The following SYCP1 variants were observed in gnomAD, a reference collection of about 807,000 sequenced individuals.
The protein encoded by SYCP1 is cancer/testis antigen 8.
A neutral mutation model predicts 153.1 loss-of-function variants in SYCP1; 64 were observed. That is an observed-to-expected ratio of 0.42 (90% CI 0.34 to 0.51). SYCP1 has a LOEUF of 0.51. Ranked by LOEUF, SYCP1 falls within the 20% of genes least tolerant of loss-of-function variation. The probability of loss-of-function intolerance (pLI) is 0.06; values close to 1 mark genes in which losing one functional copy is unlikely to be tolerated. For synonymous variants in SYCP1, 384 were observed against 341.8 expected (o/e 1.12, Z -1.36); for missense variants, 997 against 1,049.0 (o/e 0.95, Z 0.68).
At chr1:114,890,989 G>A (rs182909191) in intron 15 of SYCP1, among the ~76,000 whole-genome samples, 1 of 152,012 alleles carries the variant, frequency 6.6e-6, no homozygotes, top group Non-Finnish European at 1.5e-5. Context: ...TCATCAAACC[G>A]TGCTTCAGAT....
intron 16 of SYCP1, among the ~76,000 whole-genome samples, chr1:114,907,818 T>A (rs1289123723): frequency 3.9e-5 from 6 of 152,086 alleles, no homozygotes; most frequent in Non-Finnish European, 8.8e-5. Flanking sequence ...CCTGACCTCG[T>A]GATCCACCCG....
rs374438400 is a variant in SYCP1, at chr1:114,904,918, G to A, written c.1321-5479G>A. Among the ~76,000 whole-genome samples the A allele has an allele frequency of 1.7e-4, 26 of 152,238 alleles. No individual in the cohort carries two copies. In the South Asian group the frequency reaches 3.3e-3, roughly 19 times the overall value. On this transcript the variant is annotated intron_variant, in intron 16 of 31. Coordinates refer to ENST00000369522, the MANE Select transcript of SYCP1 (RefSeq NM_003176.4). Reference sequence around the variant, plus strand: ...GAATTGAAGTTGAATTGTGTGAAACGCTTTTTCTGTGTCAATTTATATGAT... The same window carrying A: ...GAATTGAAGTTGAATTGTGTGAAACACTTTTTCTGTGTCAATTTATATGAT...
chr1:114,857,157 A>AAAAAAAAAAAAAAAAAAAAAAAAAAAAG (rs1664040863), intron 3 of SYCP1, 75 bp from the exon 4 acceptor site: 1 of 867,158 alleles, frequency 1.2e-6, no homozygotes, highest in Non-Finnish European at 1.6e-6. Flanking sequence ...AAAAAAAAAA[A>AAAAAAAAAAAAAAAAAAAAAAAAAAAAG]GAGAAAAAAG....
chr1:114,875,878 A>G (rs1665495003), intron 9 of SYCP1, among the ~76,000 whole-genome samples, 191 bp from the exon 10 acceptor site: 1 of 152,250 alleles, frequency 6.6e-6, no homozygotes, highest in South Asian at 2.1e-4. Flanking sequence ...GCATTTAAGC[A>G]TCTGGGAAAC....
intron 23 of SYCP1, among the ~76,000 whole-genome samples, chr1:114,932,904 G>T (rs571514102): frequency 1.3e-5 from 2 of 152,118 alleles, no homozygotes; most frequent in African/African-American, 4.8e-5. Flanking sequence ...AGAAAAGCTC[G>T]AACTGGGTGG....
intron 30 of SYCP1, among the ~76,000 whole-genome samples, chr1:114,993,163 T>G (rs887714682): frequency 6.6e-6 from 1 of 151,612 alleles, no homozygotes; most frequent in African/African-American, 2.4e-5. Context: ...ATTGTAATGA[T>G]AGTTTAAACC....
intron 23 of SYCP1, among the ~76,000 whole-genome samples, chr1:114,943,398 C>T (rs865847745): frequency 1.3e-5 from 2 of 151,786 alleles, no homozygotes; most frequent in African/African-American, 2.4e-5. Context: ...TACAATAGAA[C>T]ACTACTCAGC....
chr1:114,972,945 G>A (rs758965342), intron 27 of SYCP1, among the ~76,000 whole-genome samples: 7 of 152,030 alleles, frequency 4.6e-5, no homozygotes, highest in East Asian at 1.9e-4. Flanking sequence ...CCAGTGTTTC[G>A]TAGTTTTCTT....
At chr1:114,932,941 C>T (rs1182788780) in intron 23 of SYCP1, among the ~76,000 whole-genome samples, 1 of 152,218 alleles carries the variant, frequency 6.6e-6, no homozygotes, top group Non-Finnish European at 1.5e-5. Context: ...AGGAGGCCTG[C>T]CTGCCTCTGT....
chr1:114,980,106 T>C (rs1012984500), intron 28 of SYCP1, among the ~76,000 whole-genome samples: 2 of 151,710 alleles, frequency 1.3e-5, no homozygotes, highest in Non-Finnish European at 2.9e-5. Flanking sequence ...GTAGGAGAAC[T>C]GAAAGAACAC....
At chr1:114,877,264 GT>G (rs1334068232) in intron 11 of SYCP1, among the ~76,000 whole-genome samples, 3 of 152,150 alleles carry the variant, frequency 2.0e-5, no homozygotes, top group Non-Finnish European at 2.9e-5. Context: ...AGACACAGAT[GT>G]TTTTTATATT....
chr1:114,970,033 T>G (rs1383835692), intron 27 of SYCP1, among the ~76,000 whole-genome samples: 1 of 152,120 alleles, frequency 6.6e-6, no homozygotes, highest in Non-Finnish European at 1.5e-5. Context: ...AATGCAGAAA[T>G]CACCCACCTT....
intron 8 of SYCP1, among the ~76,000 whole-genome samples, chr1:114,868,295 C>T (rs1442810710): frequency 6.6e-6 from 1 of 151,896 alleles, no homozygotes; most frequent in Non-Finnish European, 1.5e-5. Flanking sequence ...TGTGCCACTG[C>T]ACCCAGATAA....
At chr1:114,897,518 C>T (rs1667150905) in intron 16 of SYCP1, among the ~76,000 whole-genome samples, 2 of 152,098 alleles carry the variant, frequency 1.3e-5, no homozygotes, top group Admixed American at 1.3e-4. Flanking sequence ...CTTCTAGGTT[C>T]CCTTCCCCTG....
chr1:114,887,059 A>C (rs1666360925), intron 14 of SYCP1, among the ~76,000 whole-genome samples: 1 of 152,082 alleles, frequency 6.6e-6, no homozygotes, highest in Admixed American at 6.6e-5. Flanking sequence ...GCCTAGCAAT[A>C]GTTTTTCTCT....
At chr1:114,929,915 G>A (rs1451727486) in intron 23 of SYCP1, among the ~76,000 whole-genome samples, 2 of 151,946 alleles carry the variant, frequency 1.3e-5, no homozygotes, top group African/African-American at 4.8e-5. Context: ...CACATAGAAT[G>A]TTTACCAAAA....
intron 26 of SYCP1, among the ~76,000 whole-genome samples, chr1:114,946,835 G>GT (rs1451022653): frequency 2.6e-5 from 4 of 152,118 alleles, no homozygotes; most frequent in African/African-American, 9.7e-5. Context: ...CACCTCCCGG[G>GT]TTCAAGCAGT....
At chr1:114,992,588 A>T (rs1238667825) in intron 30 of SYCP1, among the ~76,000 whole-genome samples, 5 of 151,602 alleles carry the variant, frequency 3.3e-5, no homozygotes, top group Non-Finnish European at 7.4e-5. Context: ...AACTGTCCAC[A>T]TGTCAAAAGA....
chr1:114,885,688 ATATT>A, intron 13 of SYCP1, 59 bp downstream of exon 13: 1 of 987,982 alleles, frequency 1.0e-6, no homozygotes, highest in Non-Finnish European at 1.5e-6. Flanking sequence ...CAGTCAACAA[ATATT>A]TATTAAATAC....
Sources: allele counts gnomAD v4.1 joint callset (sites outside exome capture counted in the v4.1 genomes callset), GRCh38; gene constraint gnomAD v4.1.1; transcripts MANE v1.5; gene names NCBI Gene and HGNC (gene_info 2026-07-23, HGNC 2026-07-21).